COG6: variants seen among roughly 807,000 people sequenced by gnomAD.
COG6 encodes component of oligomeric golgi complex 6, also known as conserved oligomeric Golgi complex subunit 6.
In COG6, 74 loss-of-function variants were observed where a neutral mutation model predicts 88.8. The observed-to-expected ratio is 0.83, with a 90% CI of 0.69 to 1.01. The LOEUF (loss-of-function observed/expected upper bound fraction) is 1.01. COG6 is among the 50% of genes least tolerant of loss of function. The probability of loss-of-function intolerance (pLI) is 0.00; values close to 1 mark genes in which losing one functional copy is unlikely to be tolerated. For synonymous variants in COG6, 286 were observed against 278.7 expected, an observed-to-expected ratio of 1.03 and a Z score of -0.26; for missense variants, 800 against 797.9, an observed-to-expected ratio of 1.00 and a Z score of -0.03.
intron 18 of COG6, among the ~76,000 whole-genome samples, chr13:39,739,357 C>T (rs181453442): frequency 6.6e-6 from 1 of 152,082 alleles, no homozygotes; most frequent in African/African-American, 2.4e-5. Flanking sequence ...CACCTATATG[C>T]CCTTTACAAG....
chr13:39,742,584 G>A (rs1332801294), intron 18 of COG6, among the ~76,000 whole-genome samples: 1 of 152,056 alleles, frequency 6.6e-6, no homozygotes, highest in Middle Eastern at 3.4e-3. Flanking sequence ...CCCAATACAG[G>A]AGCACCCAGA....
At chr13:39,735,621 T>A (rs1389324980) in intron 18 of COG6, among the ~76,000 whole-genome samples, 3 of 152,146 alleles carry the variant, frequency 2.0e-5, no homozygotes, top group Non-Finnish European at 4.4e-5. Flanking sequence ...AGATGATTTC[T>A]TATTGCTCAT....
At chr13:39,682,323 TA>T (rs1876365039) in intron 8 of COG6, 59 bp downstream of exon 8, 2 of 927,126 alleles carry the variant, frequency 2.2e-6, no homozygotes, top group South Asian at 2.7e-5. Flanking sequence ...TATCTTACTT[TA>T]AATTTTAGTA....
chr13:39,720,904 C>T (rs542191564), intron 15 of COG6, among the ~76,000 whole-genome samples: 1 of 151,964 alleles, frequency 6.6e-6, no homozygotes, highest in East Asian at 1.9e-4. Context: ...TATGGTCATA[C>T]TTAAGAGTTT....
rs1879184555 is a variant in COG6 at position 39,727,349 on chromosome 13, T to C, written c.1747-120T>C. ...AATACACAATTTGAACACAACAATC[T>C]AGTTATTTAGAGTATGGAATTTTTC... On this transcript the variant is annotated intron_variant, in intron 17 of 18. Coordinates refer to ENST00000455146, the MANE Select transcript of COG6 (RefSeq NM_020751.3). 4 of 763,522 alleles carry C rather than the reference T, an allele frequency of 5.2e-6. No individual in the cohort carries two copies. In the Admixed American group the frequency reaches 7.7e-5, roughly 15 times the overall value. The allele number at this position is 763,522 out of a possible 1,614,324, so 47.3% of individuals were successfully genotyped here.
At chr13:39,767,259 G>A (rs1272749691) in intron 18 of COG6, among the ~76,000 whole-genome samples, 1 of 152,178 alleles carries the variant, frequency 6.6e-6, no homozygotes, top group Non-Finnish European at 1.5e-5. Context: ...ATGTGTGAGG[G>A]TTTTGAGACA....
chr13:39,659,590 T>A (rs1219776487), intron 2 of COG6, 83 bp downstream of exon 2: 1 of 1,190,040 alleles, frequency 8.4e-7, no homozygotes, highest in Non-Finnish European at 1.2e-6. Flanking sequence ...TTGAATTAGG[T>A]TGATATGTTT....
intron 18 of COG6, among the ~76,000 whole-genome samples, chr13:39,771,011 G>C (rs1412684522): frequency 1.3e-5 from 2 of 152,040 alleles, no homozygotes; most frequent in Non-Finnish European, 2.9e-5. Flanking sequence ...ATTCTCTGGG[G>C]CTCAAGCATT....
chr13:39,783,438 T>C (rs1335825066), intron 18 of COG6, among the ~76,000 whole-genome samples: 1 of 152,228 alleles, frequency 6.6e-6, no homozygotes, highest in Non-Finnish European at 1.5e-5. Context: ...TTGTTCTGTT[T>C]TGTTTTGTTT....
At position 39,722,846 on chromosome 13, in the gene COG6, A is replaced by G. The variant is rs115139947; in HGVS notation, c.1585-487A>G. Among the ~76,000 whole-genome samples the G allele has an allele frequency of 5.3e-3, 811 of 152,038 alleles. 10 individuals are homozygous for G. Among genetic ancestry groups the G allele is most frequent in the African/African-American group, 0.019 (770 of 41,508 alleles). On this transcript the variant is annotated intron_variant, in intron 15 of 18. Transcript: ENST00000455146. ...TCTACTGGGCCCTCAGCTCTTCCCT[A>G]CTTGTCACAGACCTGCCTTATCCTC...
intron 18 of COG6, among the ~76,000 whole-genome samples, chr13:39,729,562 G>A (rs1042730082): frequency 6.6e-6 from 1 of 152,052 alleles, no homozygotes; most frequent in African/African-American, 2.4e-5. Flanking sequence ...CATACAAATT[G>A]TAGAAAAACA....
chr13:39,675,128 CATA>C (rs1234473254), intron 4 of COG6, among the ~76,000 whole-genome samples: 1 of 152,032 alleles, frequency 6.6e-6, no homozygotes, highest in Non-Finnish European at 1.5e-5. Flanking sequence ...ATTGCACAAA[CATA>C]ATCTTAAATA....
intron 13 of COG6, among the ~76,000 whole-genome samples, chr13:39,710,933 T>C (rs905081202): frequency 6.6e-6 from 1 of 152,038 alleles, no homozygotes; most frequent in South Asian, 2.1e-4. Flanking sequence ...TTAAAAAATA[T>C]TAACTTATAA....
At chr13:39,713,731 A>T (rs1402721618) in intron 13 of COG6, among the ~76,000 whole-genome samples, 1 of 152,098 alleles carries the variant, frequency 6.6e-6, no homozygotes, top group Admixed American at 6.5e-5. Context: ...GTGAGACTCC[A>T]TCTCAAAAAA....
At chr13:39,667,504 C>G (rs1875347600) in intron 4 of COG6, among the ~76,000 whole-genome samples, 1 of 152,172 alleles carries the variant, frequency 6.6e-6, no homozygotes, top group African/African-American at 2.4e-5. Context: ...TATTTTATAG[C>G]TGGATAAATG....
intron 4 of COG6, among the ~76,000 whole-genome samples, chr13:39,673,055 C>T (rs1199670485): frequency 6.6e-6 from 1 of 151,886 alleles, no homozygotes; most frequent in Non-Finnish European, 1.5e-5. Flanking sequence ...TATTTACGTC[C>T]TTTACCCATT....
At chr13:39,679,716 G>A (rs2137987545) in intron 6 of COG6, 96 bp downstream of exon 6, 1 of 817,608 alleles carries the variant, frequency 1.2e-6, no homozygotes, top group East Asian at 2.6e-5. Flanking sequence ...AGCATTTTGT[G>A]AAATAGAAGT....
chr13:39,729,684 C>CAT (rs1280911109), intron 18 of COG6, among the ~76,000 whole-genome samples: 1 of 152,132 alleles, frequency 6.6e-6, no homozygotes, highest in Non-Finnish European at 1.5e-5. Context: ...TTCTGTCTAT[C>CAT]AGACTGCTGA....
intron 4 of COG6, among the ~76,000 whole-genome samples, chr13:39,669,186 C>T (rs1391299069): frequency 6.6e-6 from 1 of 152,184 alleles, no homozygotes; most frequent in Non-Finnish European, 1.5e-5. Context: ...CCTGTGCCTT[C>T]ACCATAAAAT....
Sources: allele counts gnomAD v4.1 joint callset (sites outside exome capture counted in the v4.1 genomes callset), GRCh38; gene constraint gnomAD v4.1.1; transcripts MANE v1.5; gene names NCBI Gene and HGNC (gene_info 2026-07-23, HGNC 2026-07-21).